Variants in KLHL8 observed in about 807,000 individuals in gnomAD.
KLHL8 encodes the protein kelch like family member 8, also known as kelch-like protein 8.
KLHL8 carries 38 observed loss-of-function variants against 63.5 expected under a neutral mutation model. That is an observed-to-expected ratio of 0.60 (90% CI 0.46 to 0.78). The LOEUF (loss-of-function observed/expected upper bound fraction) is 0.78, where lower values mean the gene tolerates loss of function less well. Ranked by LOEUF, KLHL8 falls within the 30% of genes least tolerant of loss-of-function variation. KLHL8 has a pLI of 0.00. For synonymous variants in KLHL8, 224 were observed against 254.3 expected (o/e 0.88, Z 1.13); for missense variants, 566 against 752.4 (o/e 0.75, Z 2.90).
chr4:87,198,136 T>C (rs946373054), intron 1 of KLHL8, among the ~76,000 whole-genome samples: 1 of 151,500 alleles, frequency 6.6e-6, no homozygotes, highest in Admixed American at 6.6e-5. Context: ...CTGGCCAACA[T>C]GGCAAAACCC....
chr4:87,187,665 T>G (rs533987037), intron 2 of KLHL8, among the ~76,000 whole-genome samples: 23 of 152,186 alleles, frequency 1.5e-4, no homozygotes, highest in African/African-American at 5.1e-4. Flanking sequence ...CATTCTAATA[T>G]TCTATATTTA....
chr4:87,166,048 A>C (rs937239179), intron 8 of KLHL8, among the ~76,000 whole-genome samples: 1 of 152,244 alleles, frequency 6.6e-6, no homozygotes, highest in African/African-American at 2.4e-5. Flanking sequence ...TGTGGTAGAC[A>C]GGGAGCTGTG....
At chr4:87,238,412 G>T (rs144090814) in intron 1 of KLHL8, among the ~76,000 whole-genome samples, 76 of 152,292 alleles carry the variant, frequency 5.0e-4, no homozygotes, top group African/African-American at 1.7e-3. Flanking sequence ...TCTTGGCCAG[G>T]CATGGTGGTG....
chr4:87,167,240 G>A, intron 8 of KLHL8: 1 of 505,766 alleles, frequency 2.0e-6, no homozygotes, highest in Non-Finnish European at 3.8e-6. Context: ...TAAGAGATGT[G>A]AAGGTTGTCA....
chr4:87,180,631 C>T (rs530822525), intron 4 of KLHL8, among the ~76,000 whole-genome samples: 1 of 152,168 alleles, frequency 6.6e-6, no homozygotes, highest in Non-Finnish European at 1.5e-5. Flanking sequence ...TAACCCAGAG[C>T]CTTTCACATG....
intron 8 of KLHL8, chr4:87,167,594 C>A: frequency 2.0e-6 from 1 of 507,948 alleles, no homozygotes; most frequent in Non-Finnish European, 4.0e-6. Flanking sequence ...GCAGTGCCAT[C>A]CACAGGAAGC....
chr4:87,174,479 A>G (rs1480410043), intron 6 of KLHL8, among the ~76,000 whole-genome samples: 1 of 152,090 alleles, frequency 6.6e-6, no homozygotes, highest in Non-Finnish European at 1.5e-5. Flanking sequence ...GTGTTTTGCC[A>G]TGTTGGCCAG....
At chr4:87,180,831 C>T (rs1338427581) in intron 4 of KLHL8, among the ~76,000 whole-genome samples, 2 of 151,664 alleles carry the variant, frequency 1.3e-5, no homozygotes, top group South Asian at 2.1e-4. Flanking sequence ...TCACTTGAGC[C>T]CAGGCATTTG....
intron 8 of KLHL8, among the ~76,000 whole-genome samples, chr4:87,169,787 C>A (rs1452859604): frequency 6.6e-6 from 1 of 151,954 alleles, no homozygotes; most frequent in Admixed American, 6.6e-5. Context: ...ATCATGTGAG[C>A]CCAGGAGTTC....
chr4:87,208,958 C>T (rs112002691), intron 1 of KLHL8, among the ~76,000 whole-genome samples: 1 of 152,026 alleles, frequency 6.6e-6, no homozygotes, highest in Non-Finnish European at 1.5e-5. Context: ...GCTGTCTATA[C>T]CAAATTCTCT....
chr4:87,181,665 C>T (rs1397847736), intron 4 of KLHL8, among the ~76,000 whole-genome samples: 1 of 151,656 alleles, frequency 6.6e-6, no homozygotes, highest in East Asian at 1.9e-4. Flanking sequence ...CTATGTGTGA[C>T]CTTCGGCATA....
At chr4:87,214,050 T>C (rs1732499946) in intron 1 of KLHL8, among the ~76,000 whole-genome samples, 1 of 152,142 alleles carries the variant, frequency 6.6e-6, no homozygotes, top group Non-Finnish European at 1.5e-5. Flanking sequence ...ACAGATGTTA[T>C]TACTTTTATA....
intron 6 of KLHL8, among the ~76,000 whole-genome samples, chr4:87,174,550 A>G (rs1730749849): frequency 1.3e-5 from 2 of 152,194 alleles, no homozygotes; most frequent in Non-Finnish European, 2.9e-5. Context: ...AAGTGCTGGG[A>G]TTACAGGCAT....
chr4:87,195,060 T>C (rs1005562790), intron 2 of KLHL8, among the ~76,000 whole-genome samples: 1 of 152,252 alleles, frequency 6.6e-6, no homozygotes, highest in African/African-American at 2.4e-5. Context: ...TTTGTTGTTC[T>C]AGGGTTTCAG....
rs557555957 is a variant in KLHL8 at position 87,207,535 on chromosome 4, T to C, written c.-151-11845A>G. 5 of 998,100 alleles carry C rather than the reference T, an allele frequency of 5.0e-6. No individual in the cohort carries two copies. In the African/African-American group the frequency reaches 7.9e-5, roughly 16 times the overall value. 61.8% of individuals were successfully genotyped at this position (998,100 alleles called of 1,614,324 possible). On this transcript the variant is annotated intron_variant, in intron 1 of 9. Coordinates refer to ENST00000273963, the MANE Select transcript of KLHL8 (RefSeq NM_020803.5). ...CAGCCTCAAGATCATCAGCAATGCCTTCTGCACCACCAACTGCTTAGCGCC... is the reference window on the plus strand; with the variant it reads ...CAGCCTCAAGATCATCAGCAATGCCCTCTGCACCACCAACTGCTTAGCGCC...
intron 1 of KLHL8, among the ~76,000 whole-genome samples, chr4:87,209,912 G>GGCGCAAGCTGGAGTGCAGTC (rs1400819968): frequency 3.6e-4 from 54 of 148,582 alleles, no homozygotes; most frequent in African/African-American, 1.3e-3. Context: ...GGAGTGCAGT[G>GGCGCAAGCTGGAGTGCAGTC]GCGCAATCTT....
chr4:87,238,202 G>A (rs1279049651), intron 1 of KLHL8, among the ~76,000 whole-genome samples: 1 of 152,124 alleles, frequency 6.6e-6, no homozygotes, highest in African/African-American at 2.4e-5. Flanking sequence ...CCAAAGTCCT[G>A]GGATTACAGG....
At chr4:87,228,713 C>T (rs1434262584) in intron 1 of KLHL8, among the ~76,000 whole-genome samples, 1 of 152,188 alleles carries the variant, frequency 6.6e-6, no homozygotes, top group Non-Finnish European at 1.5e-5. Context: ...AGATGAAAAC[C>T]ACCAACTGAG....
chr4:87,170,586 C>T lies in KLHL8; in HGVS notation c.1238G>A (p.Gly413Asp). 1 of 1,612,744 alleles carries T rather than the reference C, an allele frequency of 6.2e-7. No individual in the cohort carries two copies. Among genetic ancestry groups the T allele is most frequent in the Non-Finnish European group, 8.5e-7 (1 of 1,179,572 alleles). Residue 413 changes from glycine to aspartate, a missense_variant, in exon 7 of 10, where the codon GGC (glycine) becomes GAC (aspartate). Physicochemically the swap from Gly to Asp is moderately conservative, Grantham distance 94. Transcript: ENST00000273963. ...TAACCCTCCAATTGCATAAATTGGG[C>T]CTCCTAAGGAAGCCAAGGCAATTCC... ...RRGIALASLG[G>D]PIYAIGGLDD...
Sources: gnomAD v4.1 joint callset for allele counts (sites outside exome capture counted in the v4.1 genomes callset) on GRCh38, gnomAD v4.1.1 for gene constraint, MANE v1.5 for transcripts, NCBI Gene and HGNC (gene_info 2026-07-23, HGNC 2026-07-21) for gene names.